GALNTL6: variants seen among roughly 807,000 people sequenced by gnomAD.
GALNTL6 encodes the protein polypeptide N-acetylgalactosaminyltransferase like 6, also known as polypeptide N-acetylgalactosaminyltransferase-like 6.
In GALNTL6, 46 loss-of-function variants were observed where a neutral mutation model predicts 73.7. The ratio of observed to expected loss-of-function variants is 0.62; its 90% CI spans 0.49 to 0.80. GALNTL6 has a LOEUF of 0.80. Ranked by LOEUF, GALNTL6 falls within the 30% of genes least tolerant of loss-of-function variation. The pLI is 0.00. For synonymous variants in GALNTL6, 259 were observed against 263.7 expected, an observed-to-expected ratio of 0.98 and a Z score of 0.17; for missense variants, 604 against 755.0, an observed-to-expected ratio of 0.80 and a Z score of 2.34.
intron 2 of GALNTL6, among the ~76,000 whole-genome samples, chr4:172,081,220 A>G (rs1731869709): frequency 6.6e-6 from 1 of 152,390 alleles, no homozygotes; most frequent in Non-Finnish European, 1.5e-5. Flanking sequence ...CTTATCTTCA[A>G]TCTGTATTCA....
chr4:172,382,830 A>G (rs1743331864), intron 5 of GALNTL6, among the ~76,000 whole-genome samples: 1 of 152,086 alleles, frequency 6.6e-6, no homozygotes, highest in Non-Finnish European at 1.5e-5. Flanking sequence ...TGAAAAGACT[A>G]TTCTTTTCAA....
In GALNTL6 at chr4:172,753,504, C is replaced by T. The variant is rs138569563; in HGVS notation, c.554-55857C>T. 2.4e-3 allele frequency among the ~76,000 whole-genome samples: 367 copies of T among 152,136 alleles called. 1 individual carries two copies. The highest frequency in any genetic ancestry group is 8.3e-3 in the African/African-American group (345 of 41,508). On this transcript the variant is annotated intron_variant, in intron 5 of 12. Transcript: ENST00000506823. ...ATAAATCTTGGACAATATCACTTGA[C>T]GAAAAAGTCTTAGGCTTCTTAAACT...
At chr4:172,830,613 G>A (rs1005817685) in intron 7 of GALNTL6, among the ~76,000 whole-genome samples, 19 of 152,178 alleles carry the variant, frequency 1.2e-4, no homozygotes, top group Non-Finnish European at 2.5e-4. Flanking sequence ...CTAGTTGAGA[G>A]GTATGAAATA....
intron 10 of GALNTL6, among the ~76,000 whole-genome samples, chr4:172,981,223 A>T (rs573184640): frequency 3.3e-5 from 5 of 152,332 alleles, no homozygotes; most frequent in African/African-American, 1.2e-4. Flanking sequence ...CTAGTAGTGG[A>T]ATTGCTGCAT....
chr4:172,956,490 G>A (rs1226825112), intron 10 of GALNTL6, among the ~76,000 whole-genome samples: 2 of 152,210 alleles, frequency 1.3e-5, no homozygotes, highest in Non-Finnish European at 2.9e-5. Flanking sequence ...GTCAAGAGTG[G>A]CGGTTTGGGG....
intron 2 of GALNTL6, among the ~76,000 whole-genome samples, chr4:172,124,495 A>C (rs1413541022): frequency 6.6e-6 from 1 of 152,232 alleles, no homozygotes; most frequent in Non-Finnish European, 1.5e-5. Context: ...GTATTTCTTT[A>C]ACCAGGGTGA....
At position 171,911,095 on chromosome 4, in the gene GALNTL6, T is replaced by A. The variant is rs190909268; in HGVS notation, c.138+96377T>A. ...TCATTAGTGAACAATGCCATTCAGATAAAATGCTGTTGGTCCTGAGAAGGA... is the reference window on the plus strand; with the variant it reads ...TCATTAGTGAACAATGCCATTCAGAAAAAATGCTGTTGGTCCTGAGAAGGA... On this transcript the variant is annotated intron_variant, in intron 2 of 12. Coordinates refer to ENST00000506823, the MANE Select transcript of GALNTL6 (RefSeq NM_001034845.3). Among the ~76,000 whole-genome samples, 291 of 152,344 alleles carry A rather than the reference T, an allele frequency of 1.9e-3. 1 individual carries two copies. The highest frequency in any genetic ancestry group is 6.6e-3 in the African/African-American group (275 of 41,582).
intron 2 of GALNTL6, among the ~76,000 whole-genome samples, chr4:172,049,232 A>T (rs374765963): frequency 0.064 from 9,379 of 146,248 alleles, 329 homozygotes; most frequent in Middle Eastern, 0.089. Flanking sequence ...TGAAATAAAA[A>T]TTTTTTTTTA....
At chr4:173,018,061 T>C (rs1385548317) in intron 11 of GALNTL6, among the ~76,000 whole-genome samples, 2 of 152,102 alleles carry the variant, frequency 1.3e-5, no homozygotes, top group Non-Finnish European at 2.9e-5. Flanking sequence ...GCCTTCTGAG[T>C]GTATAAAAAC....
At chr4:172,021,162 C>T (rs1365637060) in intron 2 of GALNTL6, among the ~76,000 whole-genome samples, 2 of 151,994 alleles carry the variant, frequency 1.3e-5, no homozygotes, top group Non-Finnish European at 2.9e-5. Context: ...TATGACAGAA[C>T]TGCAGCTAGT....
chr4:173,026,999 AT>A (rs1753259415), intron 12 of GALNTL6, among the ~76,000 whole-genome samples: 1 of 152,044 alleles, frequency 6.6e-6, no homozygotes, highest in African/African-American at 2.4e-5. Flanking sequence ...GATATATATA[AT>A]TTTTTGAGAC....
intron 5 of GALNTL6, among the ~76,000 whole-genome samples, chr4:172,470,099 C>A (rs1027389145): frequency 6.6e-6 from 1 of 152,154 alleles, no homozygotes; most frequent in Non-Finnish European, 1.5e-5. Flanking sequence ...AGGTGTAGCA[C>A]AATGCTAGGC....
intron 4 of GALNTL6, among the ~76,000 whole-genome samples, chr4:172,320,614 C>T (rs1183024212): frequency 6.6e-6 from 1 of 152,022 alleles, no homozygotes; most frequent in Non-Finnish European, 1.5e-5. Context: ...GGGAGGATCC[C>T]TCCTGGTGTC....
chr4:172,022,900 C>T (rs947057218), intron 2 of GALNTL6, among the ~76,000 whole-genome samples: 3 of 151,972 alleles, frequency 2.0e-5, no homozygotes, highest in Non-Finnish European at 4.4e-5. Flanking sequence ...TTTCACAATT[C>T]CATTCTAAAT....
intron 2 of GALNTL6, among the ~76,000 whole-genome samples, chr4:171,817,118 G>C (rs991566635): frequency 1.3e-5 from 2 of 151,914 alleles, no homozygotes; most frequent in African/African-American, 4.8e-5. Context: ...TTCTCCCCAA[G>C]TTGCAAAATA....
At chr4:172,120,597 G>T (rs1368176924) in intron 2 of GALNTL6, among the ~76,000 whole-genome samples, 1 of 151,748 alleles carries the variant, frequency 6.6e-6, no homozygotes, top group East Asian at 1.9e-4. Flanking sequence ...TGGGTCCTAG[G>T]ACATGGATAT....
chr4:172,177,826 TACAC>T (rs891594040), intron 2 of GALNTL6, among the ~76,000 whole-genome samples: 1 of 143,784 alleles, frequency 7.0e-6, no homozygotes, highest in Non-Finnish European at 1.5e-5. Flanking sequence ...TGTGTATATA[TACAC>T]ACACATATAT....
At chr4:173,023,762 G>A (rs1215938829) in intron 12 of GALNTL6, among the ~76,000 whole-genome samples, 1 of 152,084 alleles carries the variant, frequency 6.6e-6, no homozygotes, top group Non-Finnish European at 1.5e-5. Context: ...GAAGCTGGGG[G>A]AATATCACTG....
intron 2 of GALNTL6, among the ~76,000 whole-genome samples, chr4:171,955,610 CGTT>C (rs745345864): frequency 6.4e-4 from 98 of 152,130 alleles, no homozygotes; most frequent in Admixed American, 1.2e-3. Context: ...CTATGTAAAT[CGTT>C]GTTATACTGT....
Sources: gnomAD v4.1 joint callset for allele counts (sites outside exome capture counted in the v4.1 genomes callset) on GRCh38, gnomAD v4.1.1 for gene constraint, MANE v1.5 for transcripts, NCBI Gene and HGNC (gene_info 2026-07-23, HGNC 2026-07-21) for gene names.